RSF1: variants seen among roughly 807,000 people sequenced by gnomAD.
RSF1 encodes remodeling and spacing factor 1.
A neutral mutation model predicts 145.2 loss-of-function variants in RSF1; 13 were observed. That is an observed-to-expected ratio of 0.09 (90% confidence interval 0.06 to 0.14). RSF1 has a LOEUF of 0.14. RSF1 is among the 10% of genes least tolerant of loss of function. The pLI is 1.00. For missense variants in RSF1, 1,517 were observed against 1,718.2 expected, an observed-to-expected ratio of 0.88 and a Z score of 2.07; for synonymous variants, 577 against 592.6, an observed-to-expected ratio of 0.97 and a Z score of 0.38.
upstream of RSF1, chr11:77,821,078 G>A: frequency 2.1e-6 from 1 of 466,138 alleles, no homozygotes; most frequent in Non-Finnish European, 3.8e-6. Context: ...GAGAACAATG[G>A]CCAATGGACG....
chr11:77,800,032 C>T (rs1948611268), intron 1 of RSF1, among the ~76,000 whole-genome samples: 1 of 152,108 alleles, frequency 6.6e-6, no homozygotes, highest in Non-Finnish European at 1.5e-5. Context: ...AGCACTGCAG[C>T]TACGTGGGAG....
At chr11:77,696,460 G>A (rs1023924864) in intron 7 of RSF1, among the ~76,000 whole-genome samples, 2 of 152,164 alleles carry the variant, frequency 1.3e-5, no homozygotes, top group African/African-American at 4.8e-5. Context: ...TTGGTATTCT[G>A]ACTTGAGGAT....
rs117766008 is a variant in RSF1, at chr11:77,774,164, T to A, written c.188-9475A>T. Among the ~76,000 whole-genome samples, 59 of 152,276 alleles carry A rather than the reference T, an allele frequency of 3.9e-4. No individual in the cohort carries two copies. The East Asian group carries it at 0.011, about 28-fold the overall frequency. On this transcript the variant is annotated intron_variant, in intron 1 of 15. Coordinates refer to ENST00000308488, the MANE Select transcript of RSF1 (RefSeq NM_016578.4). ...CCACCTGCCTTTTTCATCACTGTATTCCCAGCACCAAGCACAGTTCCTACT... is the reference window on the plus strand; with the variant it reads ...CCACCTGCCTTTTTCATCACTGTATACCCAGCACCAAGCACAGTTCCTACT...
chr11:77,678,193 CTTTTTT>C (rs5792773), intron 11 of RSF1, 40 bp from the exon 12 acceptor site: 49 of 617,100 alleles, frequency 7.9e-5, no homozygotes, highest in Middle Eastern at 9.1e-4. Flanking sequence ...CCTGTCCTGG[CTTTTTT>C]TTTTTTTTTT....
chr11:77,700,655 C>G (rs1960396225), intron 6 of RSF1, 66 bp downstream of exon 6: 1 of 1,269,136 alleles, frequency 7.9e-7, no homozygotes, highest in Non-Finnish European at 1.1e-6. Context: ...AAGTTTTAGA[C>G]AAAACCAAAA....
chr11:77,678,290 C>G, intron 11 of RSF1, 137 bp from the exon 12 acceptor site: 1 of 427,272 alleles, frequency 2.3e-6, no homozygotes, highest in Non-Finnish European at 3.9e-6. Context: ...CATCTCGGCT[C>G]ACTGCAACCT....
chr11:77,868,965 T>TACA, the RSF1 span: 20 of 279,650 alleles, frequency 7.2e-5, no homozygotes, highest in Admixed American at 1.6e-4. Flanking sequence ...CTTATTTGTT[T>TACA]ACAACAATGC....
chr11:77,685,174 C>CGGGG lies in RSF1; in HGVS notation c.2901-16_2901-15insCCCC, dbSNP rs1484507552. ...AGCGTTCTTTTCTTTAGGTGAAAAA[C>CGGGG]AAACAAAATACATGAGATTTGCAGA... is the stretch of plus-strand genomic sequence containing the variant. On this transcript the variant is annotated splice_polypyrimidine_tract_variant and intron_variant, in intron 9 of 15. Coordinates refer to ENST00000308488, the MANE Select transcript of RSF1 (RefSeq NM_016578.4). The CGGGG allele has an allele frequency of 2.7e-6, 4 of 1,483,998 alleles. No individual in the cohort carries two copies. In the African/African-American group the frequency reaches 5.7e-5, roughly 21 times the overall value. 91.9% of individuals were successfully genotyped at this position (1,483,998 alleles called of 1,614,324 possible).
At chr11:77,867,194 C>G in the RSF1 span, among the ~76,000 whole-genome samples, 1 of 152,210 alleles carries the variant, frequency 6.6e-6, no homozygotes, top group Non-Finnish European at 1.5e-5. Context: ...AACGTCTCAT[C>G]TTCCTGAACT....
chr11:77,796,143 C>T (rs1948570319), intron 1 of RSF1, among the ~76,000 whole-genome samples: 1 of 151,956 alleles, frequency 6.6e-6, no homozygotes, highest in Non-Finnish European at 1.5e-5. Flanking sequence ...AGAGGGAATC[C>T]TCCCTAACGC....
chr11:77,809,698 G>A (rs1340419530), intron 1 of RSF1, among the ~76,000 whole-genome samples: 2 of 152,186 alleles, frequency 1.3e-5, no homozygotes, highest in African/African-American at 4.8e-5. Context: ...TAAACTGGAG[G>A]TTGGCAAGAC....
intron 5 of RSF1, among the ~76,000 whole-genome samples, chr11:77,709,175 A>ACT (rs534690516): frequency 1.4e-3 from 206 of 151,936 alleles, no homozygotes; most frequent in Admixed American, 3.0e-3. Context: ...ATCCTTTAGG[A>ACT]CTCTACTCAA....
the RSF1 span, chr11:77,840,964 T>C: frequency 2.0e-6 from 1 of 491,850 alleles, no homozygotes; most frequent in Non-Finnish European, 3.6e-6. Context: ...TATAACTGAA[T>C]ACCTGAAACT....
At chr11:77,836,486 T>G in the RSF1 span, among the ~76,000 whole-genome samples, 1 of 152,144 alleles carries the variant, frequency 6.6e-6, no homozygotes, top group Non-Finnish European at 1.5e-5. Flanking sequence ...ACCAATCCTA[T>G]TGGCACCTTG....
intron 1 of RSF1, among the ~76,000 whole-genome samples, chr11:77,808,386 T>C (rs1193479120): frequency 6.6e-6 from 1 of 151,742 alleles, no homozygotes; most frequent in Non-Finnish European, 1.5e-5. Flanking sequence ...TATTTCAAAG[T>C]GTGAGGAAGA....
At chr11:77,693,236 T>A (rs1207890378) in intron 8 of RSF1, among the ~76,000 whole-genome samples, 1 of 152,144 alleles carries the variant, frequency 6.6e-6, no homozygotes, top group Non-Finnish European at 1.5e-5. Context: ...CTTCTACATA[T>A]CTACACTTGG....
the RSF1 span, chr11:77,841,244 T>C: frequency 2.8e-6 from 2 of 702,406 alleles, no homozygotes; most frequent in Non-Finnish European, 5.2e-6. Flanking sequence ...CTTAATGTTG[T>C]TATAATGGCA....
chr11:77,869,901 G>A, the RSF1 span: 1 of 1,334,912 alleles, frequency 7.5e-7, no homozygotes, highest in Admixed American at 1.7e-5. Context: ...TTCTTGGGAG[G>A]TCATCTTTAT....
the RSF1 span, among the ~76,000 whole-genome samples, chr11:77,865,846 CATT>C: frequency 2.6e-5 from 4 of 152,118 alleles, no homozygotes; most frequent in African/African-American, 4.8e-5. Context: ...TATTCTAAAA[CATT>C]ATTCTGAGAA....
Sources: gnomAD v4.1 joint callset for allele counts (sites outside exome capture counted in the v4.1 genomes callset) on GRCh38, gnomAD v4.1.1 for gene constraint, MANE v1.5 for transcripts, NCBI Gene and HGNC (gene_info 2026-07-23, HGNC 2026-07-21) for gene names.